The following CHCHD6 variants were observed in gnomAD, a reference collection of about 807,000 sequenced individuals.
CHCHD6 encodes MICOS complex subunit MIC25.
A neutral mutation model predicts 32.3 loss-of-function variants in CHCHD6; 28 were observed. The observed-to-expected ratio is 0.87, with a 90% CI of 0.64 to 1.19. CHCHD6 has a LOEUF of 1.19. Among genes scored for constraint, CHCHD6 ranks in the 50% most tolerant of loss-of-function variants. CHCHD6 has a pLI of 0.00. For synonymous variants in CHCHD6, 122 were observed against 117.5 expected (o/e 1.04, Z -0.25); for missense variants, 333 against 307.0 (o/e 1.08, Z -0.63).
intron 4 of CHCHD6, among the ~76,000 whole-genome samples, chr3:126,810,196 C>T (rs1939599454): frequency 6.6e-6 from 1 of 152,176 alleles, no homozygotes; most frequent in Admixed American, 6.5e-5. Context: ...AACTAAAGTA[C>T]AGTACATGGC....
intron 6 of CHCHD6, among the ~76,000 whole-genome samples, chr3:126,948,806 G>A (rs2107606618): frequency 6.6e-6 from 1 of 152,350 alleles, no homozygotes; most frequent in Admixed American, 6.5e-5. Flanking sequence ...TCGAATTGAG[G>A]AACTCATTTG....
At chr3:126,733,987 A>G (rs376398406) in intron 4 of CHCHD6, among the ~76,000 whole-genome samples, 1 of 152,098 alleles carries the variant, frequency 6.6e-6, no homozygotes, top group Non-Finnish European at 1.5e-5. Context: ...GGCTGTCCCC[A>G]TGGTTAATGA....
chr3:126,871,697 A>T (rs1576534815), intron 5 of CHCHD6, among the ~76,000 whole-genome samples: 2 of 115,972 alleles, frequency 1.7e-5, no homozygotes, highest in South Asian at 2.6e-4. Context: ...TCGGCGTCTC[A>T]CTCTGTCGCC....
At chr3:126,846,503 T>C (rs927237850) in intron 4 of CHCHD6, among the ~76,000 whole-genome samples, 1 of 152,180 alleles carries the variant, frequency 6.6e-6, no homozygotes, top group Non-Finnish European at 1.5e-5. Flanking sequence ...ACTTAAGTAC[T>C]TCACAATCAA....
intron 5 of CHCHD6, among the ~76,000 whole-genome samples, chr3:126,912,112 C>T (rs1559918173): frequency 6.6e-6 from 1 of 152,200 alleles, no homozygotes; most frequent in Non-Finnish European, 1.5e-5. Flanking sequence ...GGGTGATACC[C>T]TGTGTTGCTG....
At chr3:126,836,512 A>G (rs1163285868) in intron 4 of CHCHD6, among the ~76,000 whole-genome samples, 1 of 152,078 alleles carries the variant, frequency 6.6e-6, no homozygotes, top group African/African-American at 2.4e-5. Flanking sequence ...TCATTAATTT[A>G]TGTTCATCTG....
At chr3:126,898,874 A>C (rs2077880257) in intron 5 of CHCHD6, among the ~76,000 whole-genome samples, 1 of 152,224 alleles carries the variant, frequency 6.6e-6, no homozygotes, top group Non-Finnish European at 1.5e-5. Context: ...TATTCACTTT[A>C]AAATGGTTAA....
Position 126,842,695 on chromosome 3 carries a change from C to G in CHCHD6, c.412-9952C>G, listed in dbSNP as rs994010138. On this transcript the variant is annotated intron_variant, in intron 4 of 7. Coordinates refer to ENST00000290913, the MANE Select transcript of CHCHD6 (RefSeq NM_032343.3). Reference sequence around the variant, plus strand: ...ATCACACATTTTTTTAAACGTAGAACTTTTATTCTTGTAATTTTGAAATTT... The same window carrying G: ...ATCACACATTTTTTTAAACGTAGAAGTTTTATTCTTGTAATTTTGAAATTT... 2.0e-5 allele frequency among the ~76,000 whole-genome samples: 3 copies of G among 152,102 alleles called. No individual in the cohort carries two copies. In the East Asian group the frequency reaches 5.8e-4, roughly 29 times the overall value.
At chr3:126,955,064 A>G (rs1268447145) in intron 6 of CHCHD6, among the ~76,000 whole-genome samples, 2 of 152,236 alleles carry the variant, frequency 1.3e-5, no homozygotes, top group East Asian at 3.9e-4. Context: ...CCAAAGCTGT[A>G]TGTGCAGTCC....
At chr3:126,864,160 TCCA>T (rs1422132916) in intron 5 of CHCHD6, among the ~76,000 whole-genome samples, 4 of 116,048 alleles carry the variant, frequency 3.4e-5, no homozygotes, top group African/African-American at 1.4e-4. Flanking sequence ...CATCACCTTC[TCCA>T]CCATCACCAC....
intron 4 of CHCHD6, among the ~76,000 whole-genome samples, chr3:126,762,866 G>T (rs1015763459): frequency 6.6e-6 from 1 of 151,738 alleles, no homozygotes; most frequent in East Asian, 1.9e-4. Flanking sequence ...ACTTTATTTT[G>T]CATATTATTA....
At chr3:126,947,073 C>T (rs1559937752) in intron 6 of CHCHD6, among the ~76,000 whole-genome samples, 2 of 152,390 alleles carry the variant, frequency 1.3e-5, no homozygotes, top group Non-Finnish European at 2.9e-5. Context: ...AGAACAGGGC[C>T]TGGCGTCTGG....
intron 4 of CHCHD6, among the ~76,000 whole-genome samples, chr3:126,804,974 G>C (rs1939291183): frequency 6.6e-6 from 1 of 152,044 alleles, no homozygotes; most frequent in African/African-American, 2.4e-5. Context: ...AATAGATGCA[G>C]AAAAGGCCTT....
chr3:126,812,827 GTGCCT>G (rs977394643), intron 4 of CHCHD6, among the ~76,000 whole-genome samples: 2 of 152,040 alleles, frequency 1.3e-5, no homozygotes, highest in African/African-American at 4.8e-5. Flanking sequence ...ATTTTTACAT[GTGCCT>G]TTGAATGTCC....
intron 4 of CHCHD6, among the ~76,000 whole-genome samples, chr3:126,845,706 T>G (rs1180251851): frequency 6.6e-6 from 1 of 152,228 alleles, no homozygotes; most frequent in African/African-American, 2.4e-5. Context: ...TCAAGTTCAC[T>G]GATTTTTGCT....
intron 6 of CHCHD6, among the ~76,000 whole-genome samples, chr3:126,926,072 G>A (rs1167047772): frequency 6.6e-6 from 1 of 152,174 alleles, no homozygotes. Flanking sequence ...TCCCTGCTTA[G>A]GACTCTCGTT....
chr3:126,814,253 G>T (rs1236163048), intron 4 of CHCHD6, among the ~76,000 whole-genome samples: 1 of 152,190 alleles, frequency 6.6e-6, no homozygotes, highest in Non-Finnish European at 1.5e-5. Flanking sequence ...GTTTGCCTCT[G>T]TAAAGGAATT....
intron 4 of CHCHD6, among the ~76,000 whole-genome samples, chr3:126,753,375 G>A (rs1936811432): frequency 6.6e-6 from 1 of 152,200 alleles, no homozygotes; most frequent in African/African-American, 2.4e-5. Context: ...CCCACCTGGA[G>A]GCTGAGGAGG....
chr3:126,766,584 G>T (rs1937378836), intron 4 of CHCHD6: 3 of 1,180,006 alleles, frequency 2.5e-6, no homozygotes, highest in African/African-American at 1.5e-5. Flanking sequence ...GGGCTGCAGT[G>T]GAAGACTTGG....
Sources: allele counts gnomAD v4.1 joint callset (sites outside exome capture counted in the v4.1 genomes callset), GRCh38; gene constraint gnomAD v4.1.1; transcripts MANE v1.5; gene names NCBI Gene and HGNC (gene_info 2026-07-23, HGNC 2026-07-21).